The following STK38 variants were observed in gnomAD, a reference collection of about 807,000 sequenced individuals.
The protein encoded by STK38 is serine/threonine kinase 38, also known as serine/threonine-protein kinase 38.
STK38 carries 26 observed loss-of-function variants against 59.0 expected under a neutral mutation model. That is an observed-to-expected ratio of 0.44 (90% CI 0.32 to 0.61). The LOEUF is 0.61. STK38 is among the 20% of genes least tolerant of loss of function. The probability of loss-of-function intolerance (pLI) is 0.04; values close to 1 mark genes in which losing one functional copy is unlikely to be tolerated. For missense variants in STK38, 433 were observed against 566.0 expected (o/e 0.76, Z 2.38); for synonymous variants, 175 against 176.6 (o/e 0.99, Z 0.07).
intron 7 of STK38, 73 bp from the exon 8 acceptor site, chr6:36,507,675 T>C (rs1777000470): frequency 1.8e-6 from 2 of 1,123,358 alleles, no homozygotes; most frequent in Non-Finnish European, 2.7e-6. Flanking sequence ...GTTCTGCTCC[T>C]TCCAGCATCC....
In STK38 at chr6:36,537,502, T is replaced by C. The variant is rs544803832; in HGVS notation, c.131+2570A>G. On this transcript the variant is annotated intron_variant, in intron 2 of 13. Coordinates refer to ENST00000229812, the MANE Select transcript of STK38 (RefSeq NM_007271.4). Reference sequence around the variant, plus strand: ...AAACTGAAAAGAACCCAGGTGTTTATCAATAGGAGAATGGACAAACAAAGA... The same window carrying C: ...AAACTGAAAAGAACCCAGGTGTTTACCAATAGGAGAATGGACAAACAAAGA... 2.0e-5 allele frequency among the ~76,000 whole-genome samples: 3 copies of C among 152,266 alleles called. No individual in the cohort carries two copies. In the East Asian group the frequency reaches 5.8e-4, roughly 29 times the overall value.
intron 7 of STK38, among the ~76,000 whole-genome samples, chr6:36,514,450 T>C (rs1375358346): frequency 6.6e-6 from 1 of 152,190 alleles, no homozygotes; most frequent in Non-Finnish European, 1.5e-5. Flanking sequence ...ACAACAAGTC[T>C]GCTTAACAGA....
chr6:36,526,569 G>A (rs1025176428), intron 2 of STK38, among the ~76,000 whole-genome samples: 3 of 151,838 alleles, frequency 2.0e-5, no homozygotes, highest in Non-Finnish European at 4.4e-5. Context: ...GACCAGCCTG[G>A]CCAACATGGT....
intron 6 of STK38, among the ~76,000 whole-genome samples, chr6:36,515,762 C>T (rs1208583597): frequency 3.3e-5 from 5 of 152,198 alleles, no homozygotes; most frequent in Admixed American, 2.0e-4. Context: ...TTCTCCCACA[C>T]TTTAAAAAAC....
chr6:36,494,481 A>C lies in STK38; in HGVS notation c.*1303T>G, dbSNP rs1351210995. 1 of 152,692 alleles carries C rather than the reference A, an allele frequency of 6.5e-6. No individual in the cohort carries two copies. Among genetic ancestry groups the C allele is most frequent in the African/African-American group, 2.4e-5 (1 of 41,472 alleles). The allele number at this position is 152,692 out of a possible 1,614,324, so 9.5% of individuals were successfully genotyped here. ...ATGGAGCCTCCACATTTTTCTGACG[A>C]AATTCCTCTAAAGGTGGTGGCAGCT... is the stretch of plus-strand genomic sequence containing the variant. On this transcript the variant is annotated 3_prime_UTR_variant, in exon 14 of 14. Transcript: ENST00000229812.
At position 36,503,450 on chromosome 6, in the gene STK38, T is replaced by TGTGTGTGTGTG. The variant is rs560345828; in HGVS notation, c.834+3132_834+3133insCACACACACAC. 9.0e-3 allele frequency among the ~76,000 whole-genome samples: 1,183 copies of TGTGTGTGTGTG among 131,374 alleles called. 22 individuals carry two copies. The highest frequency in any genetic ancestry group is 0.033 in the African/African-American group (1,138 of 34,144). 86.2% of individuals were successfully genotyped at this position (131,374 alleles called of 152,430 possible). On this transcript the variant is annotated intron_variant, in intron 9 of 13. Coordinates refer to ENST00000229812, the MANE Select transcript of STK38 (RefSeq NM_007271.4). The stretch of plus-strand genomic sequence containing the variant: ...GCTAAGTGTGTGTGTGTGTGTGTGT[T>TGTGTGTGTGTG]TGTGTGTGTATGATATATATTTAAA...
chr6:36,519,668 G>A (rs543138325), intron 5 of STK38, among the ~76,000 whole-genome samples: 194 of 152,290 alleles, frequency 1.3e-3, no homozygotes, highest in African/African-American at 3.9e-3. Context: ...AGTCTGAGGT[G>A]CAATTTATAC....
At position 36,533,184 on chromosome 6, in the gene STK38, G is replaced by A. The variant is rs554216329; in HGVS notation, c.131+6888C>T. 1.1e-4 allele frequency among the ~76,000 whole-genome samples: 17 copies of A among 152,178 alleles called. No homozygotes were observed. The East Asian group carries it at 3.3e-3, about 29-fold the overall frequency. On this transcript the variant is annotated intron_variant, in intron 2 of 13. Transcript: ENST00000229812. ...TCTTAAAGAGATGGCGTCTTGTTCA[G>A]TTGCCCAAGCTGGAGTGCAGTGGCA...
chr6:36,506,546 G>A, intron 9 of STK38, 37 bp downstream of exon 9: 1 of 1,590,284 alleles, frequency 6.3e-7, no homozygotes, highest in Non-Finnish European at 8.6e-7. Flanking sequence ...ATTCATACTT[G>A]GTTTGTAGCA....
chr6:36,509,536 A>G (rs760474133), intron 7 of STK38, among the ~76,000 whole-genome samples: 19 of 150,356 alleles, frequency 1.3e-4, no homozygotes, highest in Non-Finnish European at 2.2e-4. Context: ...ACTGATGTAG[A>G]TAAGTTAGTT....
chr6:36,500,085 C>G (rs778306039), intron 9 of STK38, 95 bp from the exon 10 acceptor site: 15 of 916,228 alleles, frequency 1.6e-5, no homozygotes, highest in Non-Finnish European at 2.5e-5. Context: ...ACATCAGAAG[C>G]TACCCCCAAG....
intron 2 of STK38, among the ~76,000 whole-genome samples, chr6:36,529,563 C>T (rs886958967): frequency 1.3e-5 from 2 of 152,108 alleles, no homozygotes; most frequent in Non-Finnish European, 2.9e-5. Context: ...ACTTAGAGGC[C>T]ATATCCAGCC....
intron 3 of STK38, among the ~76,000 whole-genome samples, chr6:36,524,886 C>G (rs574009399): frequency 3.3e-5 from 5 of 152,168 alleles, no homozygotes; most frequent in Non-Finnish European, 5.9e-5. Context: ...TTTTCACCAC[C>G]GTCCTGGGTT....
At chr6:36,529,000 G>A (rs1582450074) in intron 2 of STK38, among the ~76,000 whole-genome samples, 2 of 152,056 alleles carry the variant, frequency 1.3e-5, no homozygotes, top group Non-Finnish European at 2.9e-5. Context: ...TATTTCATTA[G>A]AGAAAGTATC....
intron 1 of STK38, among the ~76,000 whole-genome samples, chr6:36,543,632 G>C (rs986617369): frequency 6.6e-6 from 1 of 151,896 alleles, no homozygotes; most frequent in African/African-American, 2.4e-5. Context: ...AGAATCATGA[G>C]AGTCAAAGGG....
intron 11 of STK38, 107 bp downstream of exon 11, chr6:36,498,256 T>C (rs1561970636): frequency 1.3e-5 from 18 of 1,411,946 alleles, no homozygotes; most frequent in South Asian, 5.4e-5. Context: ...AAGAGAGGAA[T>C]AGGAGGAAAC....
intron 9 of STK38, among the ~76,000 whole-genome samples, chr6:36,504,533 G>A (rs1288884494): frequency 1.3e-5 from 2 of 152,004 alleles, no homozygotes; most frequent in Non-Finnish European, 2.9e-5. Context: ...ACTGAGAGGT[G>A]GCTTCATTTT....
intron 7 of STK38, 73 bp downstream of exon 7, chr6:36,515,265 G>C: frequency 1.3e-6 from 2 of 1,540,222 alleles, no homozygotes; most frequent in Non-Finnish European, 1.8e-6. Context: ...ATGACCACAG[G>C]GGTGCAGGTG....
intron 2 of STK38, among the ~76,000 whole-genome samples, chr6:36,533,425 A>C (rs1026181460): frequency 6.6e-6 from 1 of 152,182 alleles, no homozygotes; most frequent in Non-Finnish European, 1.5e-5. Flanking sequence ...TTGGTCTTTC[A>C]AAAAAAGCAA....
Sources: allele counts gnomAD v4.1 joint callset (sites outside exome capture counted in the v4.1 genomes callset), GRCh38; gene constraint gnomAD v4.1.1; transcripts MANE v1.5; gene names NCBI Gene and HGNC (gene_info 2026-07-23, HGNC 2026-07-21).